ARNT2: variants seen among roughly 807,000 people sequenced by gnomAD.
ARNT2 encodes ARNT protein 2.
ARNT2 carries 36 observed loss-of-function variants against 91.7 expected under a neutral mutation model. The ratio of observed to expected loss-of-function variants is 0.39; its 90% CI spans 0.30 to 0.52. The LOEUF is 0.52. Ranked by LOEUF, ARNT2 falls within the 20% of genes least tolerant of loss-of-function variation. The pLI is 0.72. For synonymous variants in ARNT2, 365 were observed against 347.1 expected, an observed-to-expected ratio of 1.05 and a Z score of -0.57; for missense variants, 775 against 939.3, an observed-to-expected ratio of 0.83 and a Z score of 2.29.
chr15:80,495,426 T>A (rs1897113338), intron 5 of ARNT2, among the ~76,000 whole-genome samples: 1 of 152,182 alleles, frequency 6.6e-6, no homozygotes, highest in African/African-American at 2.4e-5. Flanking sequence ...ATCTTACAGG[T>A]TTTTTGCTCC....
intron 1 of ARNT2, among the ~76,000 whole-genome samples, chr15:80,406,015 C>A (rs528065667): frequency 6.6e-6 from 1 of 152,232 alleles, no homozygotes; most frequent in African/African-American, 2.4e-5. Flanking sequence ...AAGGAGGGAA[C>A]AAGACTTGAG....
chr15:80,411,703 C>T lies in ARNT2; in HGVS notation c.31+7157C>T, dbSNP rs182723708. Among the ~76,000 whole-genome samples, 6 of 152,190 alleles carry T rather than the reference C, an allele frequency of 3.9e-5. No individual in the cohort carries two copies. The East Asian group carries it at 1.2e-3, about 29-fold the overall frequency. On this transcript the variant is annotated intron_variant, in intron 1 of 18. Coordinates refer to ENST00000303329, the MANE Select transcript of ARNT2 (RefSeq NM_014862.4). ...TATTTTTATTTTATACTGCTGTCCA[C>T]AAAGGTTACACCAGAGGCTTAGAGA...
chr15:80,534,023 C>T (rs1289421134), intron 8 of ARNT2, among the ~76,000 whole-genome samples: 1 of 152,252 alleles, frequency 6.6e-6, no homozygotes, highest in Non-Finnish European at 1.5e-5. Flanking sequence ...ACAGAAAATA[C>T]TCATTTGCAA....
chr15:80,567,871 T>A (rs1475210643), intron 12 of ARNT2, among the ~76,000 whole-genome samples: 1 of 152,178 alleles, frequency 6.6e-6, no homozygotes, highest in Non-Finnish European at 1.5e-5. Context: ...CAATCAGGGA[T>A]GTGAACTGGC....
At chr15:80,570,768 C>G (rs1436402978) in intron 12 of ARNT2, among the ~76,000 whole-genome samples, 1 of 129,950 alleles carries the variant, frequency 7.7e-6, no homozygotes, top group South Asian at 2.1e-4. Flanking sequence ...CCACGCCTGT[C>G]TTTCCCTGGA....
At chr15:80,461,850 G>A (rs1896559874) in intron 3 of ARNT2, among the ~76,000 whole-genome samples, 1 of 152,160 alleles carries the variant, frequency 6.6e-6, no homozygotes, top group Non-Finnish European at 1.5e-5. Flanking sequence ...AGCCTCCACT[G>A]GGAATGCTTG....
intron 8 of ARNT2, among the ~76,000 whole-genome samples, chr15:80,545,801 C>T (rs778792962): frequency 6.6e-6 from 1 of 152,216 alleles, no homozygotes; most frequent in Non-Finnish European, 1.5e-5. Context: ...GTTAAAGAAG[C>T]ATGAAGCCCA....
intron 1 of ARNT2, among the ~76,000 whole-genome samples, chr15:80,412,406 A>C (rs1287220495): frequency 6.6e-6 from 1 of 152,230 alleles, no homozygotes; most frequent in East Asian, 1.9e-4. Flanking sequence ...ATTGTAAAAA[A>C]TTTGGAAAAT....
chr15:80,420,168 A>G (rs975939306), intron 1 of ARNT2, among the ~76,000 whole-genome samples: 3 of 152,220 alleles, frequency 2.0e-5, no homozygotes, highest in Non-Finnish European at 2.9e-5. Flanking sequence ...AAAAGACCCT[A>G]TGAACATATG....
intron 1 of ARNT2, among the ~76,000 whole-genome samples, chr15:80,446,871 C>T (rs191319444): frequency 6.6e-6 from 1 of 152,172 alleles, no homozygotes; most frequent in African/African-American, 2.4e-5. Context: ...CTGTCTCATT[C>T]ATTCATTGCT....
intron 2 of ARNT2, among the ~76,000 whole-genome samples, chr15:80,457,047 ATT>A (rs1432952541): frequency 1.3e-5 from 2 of 152,146 alleles, no homozygotes; most frequent in Non-Finnish European, 2.9e-5. Context: ...ATCATTTTTC[ATT>A]TTGTTTCCCC....
At chr15:80,423,442 T>C (rs964956127) in intron 1 of ARNT2, among the ~76,000 whole-genome samples, 7 of 152,222 alleles carry the variant, frequency 4.6e-5, no homozygotes, top group African/African-American at 1.7e-4. Context: ...AGTCACATAA[T>C]CAGTTATGTC....
chr15:80,406,585 T>A (rs766650962), intron 1 of ARNT2, among the ~76,000 whole-genome samples: 9 of 152,216 alleles, frequency 5.9e-5, no homozygotes, highest in Non-Finnish European at 1.0e-4. Context: ...ATGAGCTACA[T>A]GGACTAAAGA....
At chr15:80,576,036 TGAG>T (rs1231440022) in intron 14 of ARNT2, among the ~76,000 whole-genome samples, 1 of 152,244 alleles carries the variant, frequency 6.6e-6, no homozygotes, top group Non-Finnish European at 1.5e-5. Flanking sequence ...TACAGCCTTC[TGAG>T]GAAGATACTT....
At chr15:80,419,159 G>A (rs1055045030) in intron 1 of ARNT2, among the ~76,000 whole-genome samples, 4 of 152,210 alleles carry the variant, frequency 2.6e-5, no homozygotes, top group African/African-American at 9.7e-5. Context: ...ATCACCAGGA[G>A]GGCTTGTAAA....
intron 1 of ARNT2, among the ~76,000 whole-genome samples, chr15:80,440,083 A>C (rs1026211937): frequency 6.6e-6 from 1 of 152,162 alleles, no homozygotes; most frequent in African/African-American, 2.4e-5. Context: ...GTTTTGGCTG[A>C]GACTCCTTCT....
chr15:80,480,492 C>G (rs1896869040), intron 5 of ARNT2, among the ~76,000 whole-genome samples: 1 of 152,116 alleles, frequency 6.6e-6, no homozygotes, highest in Non-Finnish European at 1.5e-5. Context: ...AAGCACTGCC[C>G]TGGGTGGGGA....
rs140510411 is a variant in ARNT2, at chr15:80,506,416, G to A, written c.623-1740G>A. Among the ~76,000 whole-genome samples, 217 of 152,334 alleles carry A rather than the reference G, an allele frequency of 1.4e-3. 1 individual carries two copies. The highest frequency in any genetic ancestry group is 5.1e-3 in the African/African-American group (212 of 41,582). On this transcript the variant is annotated intron_variant, in intron 5 of 18. Coordinates refer to ENST00000303329, the MANE Select transcript of ARNT2 (RefSeq NM_014862.4). ...AGGTGGCAGCAGGAGGCAGTGGGTG[G>A]AGAATGACTAAAAGGAAACATCAGA...
chr15:80,501,068 T>C (rs1184605447), intron 5 of ARNT2, among the ~76,000 whole-genome samples: 1 of 152,202 alleles, frequency 6.6e-6, no homozygotes, highest in Non-Finnish European at 1.5e-5. Flanking sequence ...CTGTGAGCTT[T>C]AGAGGCAGAG....
Sources: allele counts gnomAD v4.1 joint callset (sites outside exome capture counted in the v4.1 genomes callset), GRCh38; gene constraint gnomAD v4.1.1; transcripts MANE v1.5; gene names NCBI Gene and HGNC (gene_info 2026-07-23, HGNC 2026-07-21).